Variants in TMEM132D observed in about 807,000 individuals in gnomAD.
TMEM132D encodes the protein transmembrane protein 132D, also known as mature OL transmembrane protein.
In TMEM132D, 21 loss-of-function variants were observed where a neutral mutation model predicts 62.3. The ratio of observed to expected loss-of-function variants is 0.34; its 90% CI spans 0.24 to 0.49. TMEM132D has a LOEUF of 0.49. Ranked by LOEUF, TMEM132D falls within the 20% of genes least tolerant of loss-of-function variation. The pLI is 0.99. For synonymous variants in TMEM132D, 621 were observed against 575.6 expected, an observed-to-expected ratio of 1.08 and a Z score of -1.13; for missense variants, 1,346 against 1,402.8, an observed-to-expected ratio of 0.96 and a Z score of 0.65.
Position 129,699,921 on chromosome 12 carries a change from A to T in TMEM132D, c.857T>A (p.Leu286Gln), listed in dbSNP as rs2137225459. The change falls in exon 2 of 9, where the codon CTG (leucine) becomes CAG (glutamine). Residue 286 changes from leucine (L) to glutamine (Q), a missense_variant. Physicochemically the swap from Leu to Gln is moderately radical, Grantham distance 113. Coordinates refer to ENST00000422113, the MANE Select transcript of TMEM132D (RefSeq NM_133448.3). ...ATAGTGGATGGCCACGCTGTTGTCC[A>T]GACGCAGTTCTCTCAGGGAGGGTTT... is the stretch of plus-strand genomic sequence containing the variant. ...HRKPSLRELR[L>Q]DNSVAIHYIP... is the part of the protein sequence containing the mutation. The T allele has an allele frequency of 6.2e-7, 1 of 1,614,174 alleles. No individual in the cohort carries two copies. The highest frequency in any genetic ancestry group is 8.5e-7 in the Non-Finnish European group (1 of 1,180,032).
At chr12:129,468,822 A>G (rs1031569084) in intron 3 of TMEM132D, among the ~76,000 whole-genome samples, 3 of 152,070 alleles carry the variant, frequency 2.0e-5, no homozygotes, top group African/African-American at 4.8e-5. Flanking sequence ...GGTGCCTTTT[A>G]TTTTGCTTCA....
intron 1 of TMEM132D, among the ~76,000 whole-genome samples, chr12:129,702,169 C>T (rs1392823036): frequency 1.3e-5 from 2 of 152,198 alleles, no homozygotes; most frequent in African/African-American, 4.8e-5. Context: ...AAAATCTCTC[C>T]AATCATCGGC....
chr12:129,474,431 G>A (rs1874199724), intron 3 of TMEM132D, among the ~76,000 whole-genome samples: 1 of 152,190 alleles, frequency 6.6e-6, no homozygotes. Context: ...ACTCAGAGGT[G>A]AGCTATTTTG....
chr12:129,383,016 G>A (rs575478366), intron 3 of TMEM132D, among the ~76,000 whole-genome samples: 3 of 152,122 alleles, frequency 2.0e-5, no homozygotes, highest in Admixed American at 1.3e-4. Context: ...GGGTCGCTAG[G>A]CTGCTTCTAG....
chr12:129,389,028 G>A lies in TMEM132D; in HGVS notation c.1116-51211C>T, dbSNP rs192801131. Reference sequence around the variant, plus strand: ...CGATACTAACACCAACACCAATCCAGCACGATAATAATATTAACACTAACA... The same window carrying A: ...CGATACTAACACCAACACCAATCCAACACGATAATAATATTAACACTAACA... On this transcript the variant is annotated intron_variant, in intron 3 of 8. Coordinates refer to ENST00000422113, the MANE Select transcript of TMEM132D (RefSeq NM_133448.3). 1.4e-3 allele frequency among the ~76,000 whole-genome samples: 146 copies of A among 101,444 alleles called. 12 individuals are homozygous for A. Among genetic ancestry groups the A allele is most frequent in the Admixed American group, 2.0e-3 (21 of 10,396 alleles). 66.6% of individuals were successfully genotyped at this position (101,444 alleles called of 152,430 possible).
At position 129,867,421 on chromosome 12, in the gene TMEM132D, GT is replaced by G; in HGVS notation, c.79+35839del. 6.6e-6 allele frequency among the ~76,000 whole-genome samples: 1 copy of G among 152,318 alleles called. No homozygotes were observed. The highest frequency in any genetic ancestry group is 1.9e-4 in the East Asian group (1 of 5,188). On this transcript the variant is annotated intron_variant, in intron 1 of 8. Transcript: ENST00000422113. The surrounding 1 kb of genome is among the most constrained non-coding windows in gnomAD (Gnocchi z 4.5). ...AAACTCAGAGGAGCAGAGTAAAATG[GT>G]AGTTGCCAGGGCTCAGCAACACTGG... is the stretch of plus-strand genomic sequence containing the variant.
At chr12:129,096,106 T>C (rs1872712) in intron 5 of TMEM132D, among the ~76,000 whole-genome samples, 68,128 of 151,918 alleles carry the variant, frequency 0.45, 16,106 homozygotes, top group East Asian at 0.62. Flanking sequence ...GGTATGCACA[T>C]GCAGTGAGTT....
At chr12:129,757,023 G>A (rs1197268094) in intron 1 of TMEM132D, among the ~76,000 whole-genome samples, 4 of 152,142 alleles carry the variant, frequency 2.6e-5, no homozygotes, top group Non-Finnish European at 5.9e-5. Context: ...GCTAGGTCCT[G>A]TCATGGCAGA....
intron 3 of TMEM132D, among the ~76,000 whole-genome samples, chr12:129,458,009 A>G (rs150462134): frequency 6.3e-4 from 96 of 152,262 alleles, no homozygotes; most frequent in African/African-American, 2.2e-3. Flanking sequence ...GGTTAGAGAA[A>G]CACCTACCCA....
intron 1 of TMEM132D, among the ~76,000 whole-genome samples, chr12:129,748,075 G>C (rs1869875023): frequency 6.6e-6 from 1 of 152,184 alleles, no homozygotes; most frequent in Non-Finnish European, 1.5e-5. Flanking sequence ...GTACCTGCTT[G>C]ATAAGTATGA....
intron 8 of TMEM132D, among the ~76,000 whole-genome samples, chr12:129,077,677 GAC>G (rs1015002181): frequency 4.6e-5 from 7 of 151,360 alleles, no homozygotes; most frequent in African/African-American, 7.3e-5. Context: ...AAACATATAT[GAC>G]ACAGACCCAC....
intron 4 of TMEM132D, among the ~76,000 whole-genome samples, chr12:129,273,192 T>C (rs1267570572): frequency 2.6e-5 from 4 of 151,074 alleles, no homozygotes; most frequent in Admixed American, 2.6e-4. Flanking sequence ...TGAGATTCTG[T>C]TTCCAAACAA....
At chr12:129,877,530 C>A (rs1483797130) in intron 1 of TMEM132D, among the ~76,000 whole-genome samples, 2 of 152,114 alleles carry the variant, frequency 1.3e-5, no homozygotes, top group Non-Finnish European at 2.9e-5. Flanking sequence ...AGTCAGCCTG[C>A]AAACAGACAT....
intron 4 of TMEM132D, among the ~76,000 whole-genome samples, chr12:129,210,618 T>C (rs553358689): frequency 1.3e-4 from 20 of 152,324 alleles, no homozygotes; most frequent in Non-Finnish European, 2.4e-4. Flanking sequence ...AGTTGCTGTT[T>C]TACTTTTACT....
chr12:129,668,051 C>T (rs28870974), intron 2 of TMEM132D, among the ~76,000 whole-genome samples: 114,653 of 150,650 alleles, frequency 0.76, 44,045 homozygotes, highest in East Asian at 0.86. Flanking sequence ...TTATCAGGTG[C>T]TCTTTAAATG....
intron 2 of TMEM132D, among the ~76,000 whole-genome samples, chr12:129,655,169 G>A (rs1389665000): frequency 6.6e-6 from 1 of 150,842 alleles, no homozygotes; most frequent in Non-Finnish European, 1.5e-5. Flanking sequence ...GGAGGCTCCC[G>A]ATCTCTTGAC....
chr12:129,667,942 G>C (rs563877084), intron 2 of TMEM132D, among the ~76,000 whole-genome samples: 1 of 140,184 alleles, frequency 7.1e-6, no homozygotes, highest in South Asian at 2.5e-4. Context: ...CTTGTCCATC[G>C]TGTCTTAAAC....
At chr12:129,430,438 T>G (rs141867375) in intron 3 of TMEM132D, among the ~76,000 whole-genome samples, 1 of 152,222 alleles carries the variant, frequency 6.6e-6, no homozygotes, top group African/African-American at 2.4e-5. Flanking sequence ...TTTTTTCTTG[T>G]AAATTTGTTT....
intron 4 of TMEM132D, among the ~76,000 whole-genome samples, chr12:129,264,087 T>G (rs1880622961): frequency 6.6e-6 from 1 of 152,160 alleles, no homozygotes; most frequent in African/African-American, 2.4e-5. Flanking sequence ...CAGGTGGACA[T>G]CATCCTTAAG....
Sources: allele counts gnomAD v4.1 joint callset (sites outside exome capture counted in the v4.1 genomes callset), GRCh38; gene constraint gnomAD v4.1.1; non-coding constraint Gnocchi (gnomAD v3.1); transcripts MANE v1.5; gene names NCBI Gene and HGNC (gene_info 2026-07-23, HGNC 2026-07-21).